VMP1: variants seen among roughly 807,000 people sequenced by gnomAD.
The protein encoded by VMP1 is ectopic P-granules autophagy protein 3 homolog.
In VMP1, 11 loss-of-function variants were observed where a neutral mutation model predicts 56.0. The ratio of observed to expected loss-of-function variants is 0.20; its 90% confidence interval spans 0.12 to 0.32. The LOEUF is 0.32. VMP1 is among the 10% of genes least tolerant of loss of function. The pLI is 1.00. For missense variants in VMP1, 296 were observed against 490.3 expected, an observed-to-expected ratio of 0.60 and a Z score of 3.74; for synonymous variants, 149 against 165.0, an observed-to-expected ratio of 0.90 and a Z score of 0.74.
chr17:59,737,603 T>C, intron 4 of VMP1, 60 bp downstream of exon 4: 1 of 1,436,558 alleles, frequency 7.0e-7, no homozygotes, highest in South Asian at 1.3e-5. Flanking sequence ...CTAATCTCAG[T>C]TTCAAATGGG....
intron 5 of VMP1, among the ~76,000 whole-genome samples, chr17:59,758,593 G>T (rs1469991231): frequency 1.3e-5 from 2 of 152,040 alleles, no homozygotes; most frequent in African/African-American, 2.4e-5. Context: ...GGGAGGCCTT[G>T]TTGGGAGAAT....
chr17:59,731,661 A>G lies in VMP1; in HGVS notation c.76+139A>G, dbSNP rs1007100255. ...TAGTAAATTAAATTATGGGTCAGTC[A>G]GGGCCTGTAAGGTGATATTTCACAG... On this transcript the variant is annotated intron_variant, in intron 2 of 11. Coordinates refer to ENST00000262291, the MANE Select transcript of VMP1 (RefSeq NM_030938.5). The G allele has an allele frequency of 5.8e-6, 3 of 513,510 alleles. No homozygotes were observed. The East Asian group carries it at 1.4e-4, about 23-fold the overall frequency. The allele number at this position is 513,510 out of a possible 1,614,324, so 31.8% of individuals were successfully genotyped here. A position where few individuals can be genotyped will look rare whatever the true frequency, so the allele number is the denominator to read the frequency against.
At chr17:59,755,184 G>A (rs1345241369) in intron 5 of VMP1, among the ~76,000 whole-genome samples, 4 of 150,726 alleles carry the variant, frequency 2.7e-5, no homozygotes, top group South Asian at 2.1e-4. Context: ...CTTGGCTCAC[G>A]GCAAACTCCA....
At chr17:59,715,646 A>G (rs141421397) in intron 1 of VMP1, among the ~76,000 whole-genome samples, 31 of 152,260 alleles carry the variant, frequency 2.0e-4, no homozygotes, top group Admixed American at 5.2e-4. Context: ...CAAACAATCA[A>G]CAAAACATGC....
intron 10 of VMP1, among the ~76,000 whole-genome samples, chr17:59,835,153 G>C (rs949316696): frequency 9.2e-5 from 14 of 151,804 alleles, no homozygotes; most frequent in African/African-American, 3.4e-4. Context: ...TTTTGAGACG[G>C]AGTCTCACTC....
intron 2 of VMP1, among the ~76,000 whole-genome samples, chr17:59,732,106 C>A (rs2143804575): frequency 6.6e-6 from 1 of 152,146 alleles, no homozygotes; most frequent in African/African-American, 2.4e-5. Context: ...TTGTTGTAAT[C>A]ATACTTTTTT....
intron 7 of VMP1, 23 bp downstream of exon 7, chr17:59,773,908 A>ATTTTT: frequency 6.3e-7 from 1 of 1,579,280 alleles, no homozygotes; most frequent in South Asian, 1.2e-5. Context: ...GGGATAGAAA[A>ATTTTT]TAGAACACTT....
At chr17:59,823,858 G>T (rs1262909464) in intron 10 of VMP1, among the ~76,000 whole-genome samples, 1 of 152,128 alleles carries the variant, frequency 6.6e-6, no homozygotes, top group East Asian at 1.9e-4. Flanking sequence ...ACAAATAAAG[G>T]AGAGATAACT....
chr17:59,725,161 A>G (rs188845299), intron 1 of VMP1, among the ~76,000 whole-genome samples: 1 of 152,268 alleles, frequency 6.6e-6, no homozygotes, highest in Non-Finnish European at 1.5e-5. Flanking sequence ...TCTCAAAATA[A>G]TAATGATAAT....
At chr17:59,748,791 C>T (rs982671620) in intron 5 of VMP1, among the ~76,000 whole-genome samples, 2 of 152,060 alleles carry the variant, frequency 1.3e-5, no homozygotes, top group South Asian at 2.1e-4. Flanking sequence ...TAATTGAAAA[C>T]CACTGATCAT....
chr17:59,746,217 C>T (rs1228697316), intron 5 of VMP1, among the ~76,000 whole-genome samples: 1 of 152,208 alleles, frequency 6.6e-6, no homozygotes, highest in East Asian at 1.9e-4. Flanking sequence ...GACACCCAGG[C>T]TGGAGTGCAG....
At chr17:59,720,328 A>G (rs950586416) in intron 1 of VMP1, among the ~76,000 whole-genome samples, 2 of 152,170 alleles carry the variant, frequency 1.3e-5, no homozygotes, top group African/African-American at 4.8e-5. Context: ...ACCTCATAAT[A>G]ATTTTTGACG....
intron 8 of VMP1, 140 bp from the exon 9 acceptor site, chr17:59,811,530 C>T: frequency 1.6e-6 from 1 of 639,958 alleles, no homozygotes; most frequent in South Asian, 2.0e-5. Flanking sequence ...TCCTTTTGAA[C>T]AATCCAGTAG....
At chr17:59,768,109 CA>C (rs11326509) in intron 6 of VMP1, among the ~76,000 whole-genome samples, 67,592 of 149,926 alleles carry the variant, frequency 0.45, 17,613 homozygotes, top group African/African-American at 0.72. Context: ...GACTCCATCT[CA>C]AAAAAAAAAT....
At chr17:59,767,370 C>T (rs2036269646) in intron 6 of VMP1, among the ~76,000 whole-genome samples, 1 of 151,994 alleles carries the variant, frequency 6.6e-6, no homozygotes, top group South Asian at 2.1e-4. Context: ...ATATGAAAGA[C>T]AGGAAAAATT....
At chr17:59,737,928 C>T (rs1213093829) in intron 4 of VMP1, among the ~76,000 whole-genome samples, 1 of 152,082 alleles carries the variant, frequency 6.6e-6, no homozygotes, top group Non-Finnish European at 1.5e-5. Flanking sequence ...TGCCACCACA[C>T]CCAGCTAATT....
chr17:59,830,943 T>TC (rs1015458805), intron 10 of VMP1, among the ~76,000 whole-genome samples: 1 of 152,132 alleles, frequency 6.6e-6, no homozygotes, highest in African/African-American at 2.4e-5. Flanking sequence ...TCCTCCCCAC[T>TC]CAGCCTCTTG....
At position 59,738,821 on chromosome 17, in the gene VMP1, C is replaced by T. The variant is rs2035107189; in HGVS notation, c.304-16C>T. 3 of 1,564,704 alleles carry T rather than the reference C, an allele frequency of 1.9e-6. No homozygotes were observed. Among genetic ancestry groups the T allele is most frequent in the Non-Finnish European group, 2.6e-6 (3 of 1,137,060 alleles). On this transcript the variant is annotated splice_polypyrimidine_tract_variant and intron_variant, in intron 4 of 11. Transcript: ENST00000262291. The stretch of plus-strand genomic sequence containing the variant: ...TATAGAGAATTCACGGTTTTCACCT[C>T]ATCCCTTTTTTTCAGTATGTGCAAC...
chr17:59,780,569 GTTTTTGTTTTTGT>G (rs1275883637), intron 7 of VMP1, among the ~76,000 whole-genome samples: 14 of 149,806 alleles, frequency 9.3e-5, no homozygotes, highest in Non-Finnish European at 1.5e-5. Context: ...CGTGTTGTTT[GTTTTTGTTTTTGT>G]TTTTTGTTTT....
Sources: gnomAD v4.1 joint callset for allele counts (sites outside exome capture counted in the v4.1 genomes callset) on GRCh38, gnomAD v4.1.1 for gene constraint, MANE v1.5 for transcripts, NCBI Gene and HGNC (gene_info 2026-07-23, HGNC 2026-07-21) for gene names.